Variants in PCCA observed in about 807,000 individuals in gnomAD.
PCCA encodes propionyl-CoA carboxylase subunit alpha.
In PCCA, 74 loss-of-function variants were observed where a neutral mutation model predicts 101.3. The ratio of observed to expected loss-of-function variants is 0.73; its 90% CI spans 0.61 to 0.89. The LOEUF is 0.89. Among genes scored for constraint, PCCA ranks in the 40% least tolerant of loss-of-function variants. The pLI, the probability that PCCA is intolerant of heterozygous loss-of-function variation, is 0.00. For missense variants in PCCA, 891 were observed against 907.0 expected (o/e 0.98, Z 0.23); for synonymous variants, 294 against 313.6 (o/e 0.94, Z 0.66).
At chr13:100,201,379 G>C (rs2058478604) in intron 6 of PCCA, among the ~76,000 whole-genome samples, 1 of 152,132 alleles carries the variant, frequency 6.6e-6, no homozygotes. Context: ...TATGATCTCT[G>C]CTAGTACTCA....
chr13:100,352,584 A>C (rs1021548783), intron 18 of PCCA, among the ~76,000 whole-genome samples: 1 of 151,714 alleles, frequency 6.6e-6, no homozygotes, highest in African/African-American at 2.4e-5. Flanking sequence ...AATAGAGATG[A>C]GGTCTTGCTA....
intron 21 of PCCA, among the ~76,000 whole-genome samples, chr13:100,484,024 G>C (rs930938828): frequency 6.6e-6 from 1 of 152,344 alleles, no homozygotes; most frequent in Non-Finnish European, 1.5e-5. Flanking sequence ...TAATTCGTTA[G>C]CAGTGGCCAC....
At chr13:100,331,180 G>A (rs555289569) in intron 17 of PCCA, among the ~76,000 whole-genome samples, 37 of 152,276 alleles carry the variant, frequency 2.4e-4, no homozygotes, top group African/African-American at 8.9e-4. Context: ...ATTTAACACA[G>A]CAAAGTTATC....
intron 6 of PCCA, among the ~76,000 whole-genome samples, chr13:100,181,646 C>T (rs1186724120): frequency 6.6e-6 from 1 of 152,036 alleles, no homozygotes; most frequent in East Asian, 1.9e-4. Context: ...TGGTCTCGAA[C>T]TCCTGGGCTC....
intron 4 of PCCA, among the ~76,000 whole-genome samples, chr13:100,115,449 A>G (rs1396802995): frequency 1.3e-5 from 2 of 152,216 alleles, no homozygotes; most frequent in African/African-American, 2.4e-5. Context: ...ACACAAATAA[A>G]TGAATGATTT....
chr13:100,515,881 G>T (rs754750417), intron 22 of PCCA, among the ~76,000 whole-genome samples: 10 of 152,234 alleles, frequency 6.6e-5, no homozygotes, highest in Non-Finnish European at 7.3e-5. Flanking sequence ...TCTCTAGTAT[G>T]CTGTGCTCAA....
chr13:100,408,082 G>T (rs1011382973), intron 19 of PCCA, among the ~76,000 whole-genome samples: 4 of 152,302 alleles, frequency 2.6e-5, no homozygotes, highest in Admixed American at 2.6e-4. Flanking sequence ...AACCCAGGAG[G>T]CAAAGCTTGC....
intron 6 of PCCA, among the ~76,000 whole-genome samples, chr13:100,199,396 T>C (rs1376275963): frequency 6.6e-6 from 1 of 152,244 alleles, no homozygotes; most frequent in Non-Finnish European, 1.5e-5. Context: ...AAAATCTTAG[T>C]CTGTAGGCTC....
intron 12 of PCCA, among the ~76,000 whole-genome samples, chr13:100,273,589 T>G (rs1381886749): frequency 1.3e-5 from 2 of 152,236 alleles, no homozygotes; most frequent in African/African-American, 4.8e-5. Context: ...TTTGTTTTTT[T>G]CTTGAACCTT....
At position 100,515,705 on chromosome 13, in the gene PCCA, G is replaced by T. The variant is rs78464669; in HGVS notation, c.2040+138G>T. 3.7e-3 allele frequency: 3,672 copies of T among 988,894 alleles called. 114 individuals carry two copies. Among genetic ancestry groups the T allele is most frequent in the East Asian group, 0.035 (1,451 of 41,440 alleles). The allele number at this position is 988,894 out of a possible 1,614,324, so 61.3% of individuals were successfully genotyped here. Reference sequence around the variant, plus strand: ...CGCCCCCTAAACAGCAAAATCGATTGCGTGTGTTGTCGACCTGTTTCACGT... The same window carrying T: ...CGCCCCCTAAACAGCAAAATCGATTTCGTGTGTTGTCGACCTGTTTCACGT... On this transcript the variant is annotated intron_variant, in intron 22 of 23. Coordinates refer to ENST00000376285, the MANE Select transcript of PCCA (RefSeq NM_000282.4).
intron 6 of PCCA, among the ~76,000 whole-genome samples, chr13:100,191,786 C>T (rs1420907674): frequency 3.3e-5 from 5 of 152,196 alleles, no homozygotes; most frequent in South Asian, 2.1e-4. Flanking sequence ...CTGGCTGCTA[C>T]AACATTGTGA....
intron 6 of PCCA, among the ~76,000 whole-genome samples, chr13:100,169,222 A>G (rs2055363113): frequency 6.6e-6 from 1 of 152,028 alleles, no homozygotes; most frequent in Non-Finnish European, 1.5e-5. Context: ...TGGGCGGATC[A>G]CCTGAGGTCA....
chr13:100,367,830 C>T (rs748016325), intron 18 of PCCA, among the ~76,000 whole-genome samples: 17 of 151,044 alleles, frequency 1.1e-4, no homozygotes, highest in Non-Finnish European at 2.2e-4. Flanking sequence ...TGGTGGTGGG[C>T]GCCTGTAATC....
intron 14 of PCCA, chr13:100,305,893 C>A: frequency 2.5e-6 from 1 of 394,458 alleles, no homozygotes; most frequent in Non-Finnish European, 5.1e-6. Flanking sequence ...AATGTGAATA[C>A]GAATACAGAT....
intron 12 of PCCA, among the ~76,000 whole-genome samples, chr13:100,297,873 A>G (rs1276195793): frequency 6.6e-6 from 1 of 152,136 alleles, no homozygotes; most frequent in Non-Finnish European, 1.5e-5. Flanking sequence ...ATTTATCAAC[A>G]ACTGTTAGAC....
intron 10 of PCCA, among the ~76,000 whole-genome samples, chr13:100,265,711 T>C (rs1174148350): frequency 2.6e-5 from 4 of 152,106 alleles, no homozygotes; most frequent in African/African-American, 7.2e-5. Context: ...CTTTCTTCCC[T>C]CTCTCCCTCC....
intron 2 of PCCA, among the ~76,000 whole-genome samples, chr13:100,108,044 C>T (rs191886613): frequency 3.8e-4 from 58 of 152,248 alleles, no homozygotes; most frequent in African/African-American, 1.3e-3. Context: ...AGAGTTCTGC[C>T]GTCATTCCAA....
At chr13:100,383,811 A>C (rs1380572125) in intron 19 of PCCA, among the ~76,000 whole-genome samples, 1 of 152,196 alleles carries the variant, frequency 6.6e-6, no homozygotes, top group East Asian at 1.9e-4. Flanking sequence ...TCCTCAAAGA[A>C]AGAATATGGT....
intron 20 of PCCA, among the ~76,000 whole-genome samples, chr13:100,445,271 G>A (rs1051171434): frequency 1.3e-5 from 2 of 152,198 alleles, no homozygotes; most frequent in African/African-American, 4.8e-5. Flanking sequence ...CAACACTGGG[G>A]ATCACATTTC....
Sources: allele counts gnomAD v4.1 joint callset (sites outside exome capture counted in the v4.1 genomes callset), GRCh38; gene constraint gnomAD v4.1.1; transcripts MANE v1.5; gene names NCBI Gene and HGNC (gene_info 2026-07-23, HGNC 2026-07-21).